The following CDH8 variants were observed in gnomAD, a reference collection of about 807,000 sequenced individuals.
The protein encoded by CDH8 is cadherin 8.
Under a neutral mutation model 68.1 loss-of-function variants are expected in CDH8, and 17 were observed. The observed-to-expected ratio is 0.25, with a 90% confidence interval of 0.17 to 0.37. CDH8 has a LOEUF of 0.37. CDH8 is among the 10% of genes least tolerant of loss of function. The pLI, the probability that CDH8 is intolerant of heterozygous loss-of-function variation, is 1.00. For missense variants in CDH8, 763 were observed against 999.3 expected (o/e 0.76, Z 3.19); for synonymous variants, 372 against 365.1 (o/e 1.02, Z -0.21).
intron 10 of CDH8, among the ~76,000 whole-genome samples, chr16:61,702,611 G>A (rs1264611028): frequency 6.6e-6 from 1 of 152,106 alleles, no homozygotes; most frequent in African/African-American, 2.4e-5. Flanking sequence ...CTGTTGTAAT[G>A]TTACTCAGTT....
rs367605899 is a variant in CDH8 at position 61,759,266 on chromosome 16, C to T, written c.1414+30080G>A. ...GAAAAAATGCTGCCAGACTCCCAAA[C>T]ATTTACAGGCAGCATGCAGATTGAG... On this transcript the variant is annotated intron_variant, in intron 8 of 11. Transcript: ENST00000577390. 3.0e-4 allele frequency among the ~76,000 whole-genome samples: 46 copies of T among 152,102 alleles called. No homozygotes were observed. The East Asian group carries it at 6.0e-3, about 20-fold the overall frequency.
intron 6 of CDH8, among the ~76,000 whole-genome samples, chr16:61,819,361 A>C (rs956284970): frequency 6.6e-6 from 1 of 152,110 alleles, no homozygotes; most frequent in Non-Finnish European, 1.5e-5. Flanking sequence ...TAATTGTTTC[A>C]GTTTATAACA....
intron 8 of CDH8, among the ~76,000 whole-genome samples, chr16:61,729,485 C>T (rs560650611): frequency 6.6e-6 from 1 of 151,230 alleles, no homozygotes; most frequent in Non-Finnish European, 1.5e-5. Context: ...ATCTGCAACT[C>T]TCCCTATGAA....
At chr16:61,962,529 AC>A (rs756286863) in intron 2 of CDH8, among the ~76,000 whole-genome samples, 64 of 152,164 alleles carry the variant, frequency 4.2e-4, no homozygotes, top group Non-Finnish European at 8.1e-4. Context: ...AGTTCTGAGC[AC>A]ATTTTTGCAA....
chr16:61,911,653 A>T (rs4405541), intron 2 of CDH8, among the ~76,000 whole-genome samples: 23,068 of 149,798 alleles, frequency 0.15, 1,982 homozygotes, highest in Middle Eastern at 0.25. Flanking sequence ...TCTCTTTTTC[A>T]CTCTTGATAG....
chr16:62,005,169 C>T (rs1181171463), intron 2 of CDH8, among the ~76,000 whole-genome samples: 1 of 152,192 alleles, frequency 6.6e-6, no homozygotes, highest in African/African-American at 2.4e-5. Flanking sequence ...AACTGTGTCC[C>T]AGTACTTGCA....
intron 2 of CDH8, among the ~76,000 whole-genome samples, chr16:61,960,030 A>AC (rs1965077949): frequency 1.6e-5 from 2 of 127,788 alleles, no homozygotes; most frequent in African/African-American, 6.2e-5. Flanking sequence ...ACATACACAC[A>AC]CACACACAAC....
At chr16:61,797,874 G>T (rs950683080) in intron 7 of CDH8, among the ~76,000 whole-genome samples, 1 of 152,054 alleles carries the variant, frequency 6.6e-6, no homozygotes, top group Non-Finnish European at 1.5e-5. Flanking sequence ...GGTAAATATA[G>T]AACTCTCAGA....
intron 10 of CDH8, among the ~76,000 whole-genome samples, chr16:61,690,594 C>T (rs1483744211): frequency 1.3e-5 from 2 of 151,922 alleles, no homozygotes; most frequent in African/African-American, 2.4e-5. Context: ...ATTATAGTAG[C>T]TATTGATTAA....
chr16:62,010,460 C>T (rs1399828492), intron 2 of CDH8, among the ~76,000 whole-genome samples: 3 of 152,102 alleles, frequency 2.0e-5, no homozygotes, highest in Non-Finnish European at 4.4e-5. Flanking sequence ...TATTTGTCTC[C>T]CCTGCACCTT....
chr16:61,801,831 G>A (rs192784667), intron 7 of CDH8, among the ~76,000 whole-genome samples: 5 of 152,248 alleles, frequency 3.3e-5, no homozygotes, highest in Admixed American at 6.5e-5. Context: ...ACGGAGTCTC[G>A]CTGATTTCTA....
intron 3 of CDH8, among the ~76,000 whole-genome samples, chr16:61,882,480 G>C (rs1054118242): frequency 4.6e-5 from 7 of 152,188 alleles, no homozygotes. Context: ...TTTCGAGCAG[G>C]AGACACTTTG....
chr16:61,694,184 A>AT, intron 10 of CDH8, among the ~76,000 whole-genome samples: 1 of 152,128 alleles, frequency 6.6e-6, no homozygotes, highest in South Asian at 2.1e-4. Context: ...GGCAAAGGGA[A>AT]ATCCTAGATA....
chr16:61,987,321 T>C (rs1965645825), intron 2 of CDH8, among the ~76,000 whole-genome samples: 2 of 151,996 alleles, frequency 1.3e-5, no homozygotes, highest in Admixed American at 6.6e-5. Context: ...CTGGCCGACA[T>C]GGTAAACTCC....
At chr16:61,714,683 G>T (rs1471365043) in intron 9 of CDH8, among the ~76,000 whole-genome samples, 2 of 151,538 alleles carry the variant, frequency 1.3e-5, no homozygotes, top group African/African-American at 4.8e-5. Context: ...GTTGTTTCTT[G>T]GGATGTCAGA....
chr16:61,754,887 T>C (rs1960271616), intron 8 of CDH8, among the ~76,000 whole-genome samples: 1 of 152,124 alleles, frequency 6.6e-6, no homozygotes, highest in Non-Finnish European at 1.5e-5. Flanking sequence ...ATGAGCATAG[T>C]ACCCAACAGT....
chr16:61,996,389 C>A (rs1451214905), intron 2 of CDH8, among the ~76,000 whole-genome samples: 1 of 152,204 alleles, frequency 6.6e-6, no homozygotes, highest in Non-Finnish European at 1.5e-5. Flanking sequence ...TTCCCAACCT[C>A]TAACCAGGTG....
intron 2 of CDH8, among the ~76,000 whole-genome samples, chr16:61,947,069 T>A (rs1362102231): frequency 4.6e-5 from 7 of 152,184 alleles, no homozygotes; most frequent in Non-Finnish European, 8.8e-5. Flanking sequence ...GTTTGAAACA[T>A]CTCTGCTTCC....
chr16:62,022,137 A>G (rs1242373777), intron 1 of CDH8, among the ~76,000 whole-genome samples: 1 of 152,146 alleles, frequency 6.6e-6, no homozygotes, highest in Non-Finnish European at 1.5e-5. Context: ...TTGAATTAAC[A>G]ACATTAAAAA....
Sources: gnomAD v4.1 joint callset for allele counts (sites outside exome capture counted in the v4.1 genomes callset) on GRCh38, gnomAD v4.1.1 for gene constraint, MANE v1.5 for transcripts, NCBI Gene and HGNC (gene_info 2026-07-23, HGNC 2026-07-21) for gene names.